Variants in BTAF1 observed in about 807,000 individuals in gnomAD.
The protein encoded by BTAF1 is TATA-binding protein-associated factor 172.
In BTAF1, 38 loss-of-function variants were observed where a neutral mutation model predicts 227.1. The ratio of observed to expected loss-of-function variants is 0.17; its 90% CI spans 0.13 to 0.22. The LOEUF (loss-of-function observed/expected upper bound fraction) is 0.22, where lower values mean the gene tolerates loss of function less well. Among genes scored for constraint, BTAF1 ranks in the 10% least tolerant of loss-of-function variants. BTAF1 has a pLI of 1.00. For missense variants in BTAF1, 1,598 were observed against 2,204.0 expected, an observed-to-expected ratio of 0.73 and a Z score of 5.51; for synonymous variants, 742 against 751.9, an observed-to-expected ratio of 0.99 and a Z score of 0.21.
In BTAF1 at chr10:91,980,682, CATA is replaced by C. The variant is rs892667851; in HGVS notation, c.1755+127_1755+129del. The stretch of plus-strand genomic sequence containing the variant: ...GAGATTTGAAAAGTCTGGAGATCTG[CATA>C]ATGAGACAGAGAACTAGGCTTCTTA... On this transcript the variant is annotated intron_variant, in intron 15 of 37. Coordinates refer to ENST00000265990, the MANE Select transcript of BTAF1 (RefSeq NM_003972.3). 1.7e-5 allele frequency: 12 copies of C among 696,784 alleles called. No homozygotes were observed. The African/African-American group carries it at 2.1e-4, about 12-fold the overall frequency. The allele number at this position is 696,784 out of a possible 1,614,324, so 43.2% of individuals were successfully genotyped here. A position where few individuals can be genotyped will look rare whatever the true frequency, so the allele number is the denominator to read the frequency against.
chr10:91,924,051 G>A lies in BTAF1; in HGVS notation c.-26G>A, dbSNP rs746449899. 3.1e-6 allele frequency: 5 copies of A among 1,605,840 alleles called. No individual in the cohort carries two copies. The African/African-American group carries it at 4.0e-5, about 13-fold the overall frequency. ...AGCTGCGCGGCGCGTAGGTCGCGGG[G>A]AGCTCCGAACCGCCGGCGCCCGGCC... On this transcript the variant is annotated 5_prime_UTR_variant, in exon 1 of 38. Transcript: ENST00000265990.
intron 4 of BTAF1, among the ~76,000 whole-genome samples, chr10:91,950,515 C>T (rs1381276197): frequency 6.6e-6 from 1 of 152,122 alleles, no homozygotes; most frequent in Non-Finnish European, 1.5e-5. Flanking sequence ...CTGTCTTTTA[C>T]AGCTTAGCTG....
At chr10:91,936,499 CTGT>C in intron 2 of BTAF1, among the ~76,000 whole-genome samples, 1 of 152,122 alleles carries the variant, frequency 6.6e-6, no homozygotes, top group Non-Finnish European at 1.5e-5. Context: ...CTGCCCATCT[CTGT>C]TGAGTATGAG....
chr10:92,008,407 A>ATTCC, intron 26 of BTAF1, 132 bp downstream of exon 26: 3 of 873,162 alleles, frequency 3.4e-6, no homozygotes, highest in Non-Finnish European at 3.3e-6. Flanking sequence ...GCAGTGGCAG[A>ATTCC]ATCATGGTTC....
chr10:91,989,629 TG>T (rs1564698588), intron 20 of BTAF1, 49 bp downstream of exon 20: 50 of 1,492,716 alleles, frequency 3.3e-5, no homozygotes, highest in Non-Finnish European at 4.5e-5. Flanking sequence ...CTTTTAAATT[TG>T]TTTTTGTTTA....
At chr10:91,987,521 A>G (rs1188851816) in intron 19 of BTAF1, among the ~76,000 whole-genome samples, 3 of 151,428 alleles carry the variant, frequency 2.0e-5, no homozygotes, top group African/African-American at 4.9e-5. Context: ...TCTCTTCTCT[A>G]TTTCCATTAT....
chr10:91,981,513 T>A lies in BTAF1; in HGVS notation c.1756-130T>A, dbSNP rs1848060610. Reference sequence around the variant, plus strand: ...AGTACTGTATTTCAAAATAAGCCTCTATATTGAATTTCTAAATTAATCTCT... The same window carrying A: ...AGTACTGTATTTCAAAATAAGCCTCAATATTGAATTTCTAAATTAATCTCT... On this transcript the variant is annotated intron_variant, in intron 15 of 37. Transcript: ENST00000265990. 4.1e-6 allele frequency: 4 copies of A among 969,862 alleles called. No individual in the cohort carries two copies. The African/African-American group carries it at 5.0e-5, about 12-fold the overall frequency. The allele number at this position is 969,862 out of a possible 1,614,324, so 60.1% of individuals were successfully genotyped here. A position where few individuals can be genotyped will look rare whatever the true frequency, so the allele number is the denominator to read the frequency against.
intron 11 of BTAF1, 46 bp downstream of exon 11, chr10:91,960,200 C>T: frequency 6.4e-7 from 1 of 1,557,392 alleles, no homozygotes; most frequent in Non-Finnish European, 8.7e-7. Flanking sequence ...GTTTTTTCCC[C>T]CTTATAGTTT....
Position 92,016,328 on chromosome 10 carries a change from G to A in BTAF1, c.4585-12G>A, listed in dbSNP as rs1850722399. 4 of 1,585,536 alleles carry A rather than the reference G, an allele frequency of 2.5e-6. No homozygotes were observed. Among genetic ancestry groups the A allele is most frequent in the African/African-American group, 1.4e-5 (1 of 73,306 alleles). On this transcript the variant is annotated splice_polypyrimidine_tract_variant and intron_variant, in intron 32 of 37. Coordinates refer to ENST00000265990, the MANE Select transcript of BTAF1 (RefSeq NM_003972.3). ...TATACTTAAAGCTTCTCCCACGGGG[G>A]CCATTTTACAGGTTCAGCTCTATGA...
chr10:91,951,332 G>C (rs1457403742), intron 4 of BTAF1, 71 bp from the exon 5 acceptor site: 1 of 1,449,204 alleles, frequency 6.9e-7, no homozygotes, highest in Non-Finnish European at 9.3e-7. Context: ...TATTTTGATA[G>C]AGTTTGATGT....
chr10:91,929,747 G>C (rs1285903067), intron 1 of BTAF1, among the ~76,000 whole-genome samples: 2 of 152,002 alleles, frequency 1.3e-5, no homozygotes, highest in Admixed American at 6.6e-5. Context: ...ATAGAGATGA[G>C]GTCTCTCTGT....
intron 37 of BTAF1, among the ~76,000 whole-genome samples, chr10:92,027,865 C>T (rs1268327714): frequency 6.6e-6 from 1 of 152,088 alleles, no homozygotes; most frequent in Non-Finnish European, 1.5e-5. Context: ...TAAAGTCCTA[C>T]ATAGGTTCAG....
At position 92,026,721 on chromosome 10, in the gene BTAF1, A is replaced by G. The variant is rs1554870709; in HGVS notation, c.5205A>G (p.Gln1735=). 6.2e-7 allele frequency: 1 copy of G among 1,606,780 alleles called. No individual in the cohort carries two copies. ...ACTGGAATCCTATGCGAGATCTACA[A>G]GCCATGGACCGGGCCCATCGCATTG... ...EHDWNPMRDL[Q]AMDRAHRIGQ... The change falls in exon 36 of 38, where the codon CAA becomes CAG. Residue 1735 remains glutamine, a synonymous_variant. Coordinates refer to ENST00000265990, the MANE Select transcript of BTAF1 (RefSeq NM_003972.3).
chr10:91,944,436 G>A (rs1281267053), intron 4 of BTAF1, among the ~76,000 whole-genome samples: 1 of 152,190 alleles, frequency 6.6e-6, no homozygotes, highest in Non-Finnish European at 1.5e-5. Context: ...CGCCTGGAAT[G>A]AGAGGACCAA....
intron 1 of BTAF1, among the ~76,000 whole-genome samples, chr10:91,927,095 C>A (rs1414391190): frequency 6.6e-6 from 1 of 151,924 alleles, no homozygotes; most frequent in African/African-American, 2.4e-5. Flanking sequence ...TTCTTAGCCC[C>A]ATCTCAGGTA....
At chr10:91,961,036 G>A (rs1846474387) in intron 11 of BTAF1, among the ~76,000 whole-genome samples, 2 of 152,130 alleles carry the variant, frequency 1.3e-5, no homozygotes, top group South Asian at 4.1e-4. Flanking sequence ...AATATGAGAT[G>A]CCAGTAAAAC....
intron 25 of BTAF1, among the ~76,000 whole-genome samples, chr10:91,999,609 G>A (rs1458451330): frequency 1.3e-5 from 2 of 152,140 alleles, no homozygotes; most frequent in African/African-American, 4.8e-5. Flanking sequence ...GATCAGGCTG[G>A]TCTAAACTCC....
In BTAF1 at chr10:91,959,847, A is replaced by G. The variant is rs1846381053; in HGVS notation, c.1053A>G (p.Ala351=). The G allele has an allele frequency of 6.2e-7, 1 of 1,609,516 alleles. No individual in the cohort carries two copies. The highest frequency in any genetic ancestry group is 8.5e-7 in the Non-Finnish European group (1 of 1,178,572). The change falls in exon 10 of 38, where the codon GCA becomes GCG. Residue 351 remains alanine (A), a synonymous_variant. Transcript: ENST00000265990. Reference sequence around the variant, plus strand: ...TTATTAGACTCCTTTGTGTTTTTGCATTAGACAGATTTGGAGACTTTGTTT... The same window carrying G: ...TTATTAGACTCCTTTGTGTTTTTGCGTTAGACAGATTTGGAGACTTTGTTT... ...DLVIRLLCVF[A]LDRFGDFVSD...
At chr10:91,948,705 A>G (rs1030233506) in intron 4 of BTAF1, among the ~76,000 whole-genome samples, 2 of 151,540 alleles carry the variant, frequency 1.3e-5, no homozygotes. Context: ...TTATTAAAAA[A>G]AAAAAAAAAG....
Sources: allele counts gnomAD v4.1 joint callset (sites outside exome capture counted in the v4.1 genomes callset), GRCh38; gene constraint gnomAD v4.1.1; transcripts MANE v1.5; gene names NCBI Gene and HGNC (gene_info 2026-07-23, HGNC 2026-07-21).